RHBDD1: variants seen among roughly 807,000 people sequenced by gnomAD.
RHBDD1 encodes the protein rhomboid domain containing 1, also known as rhomboid-related protein 4.
In RHBDD1, 38 loss-of-function variants were observed where a neutral mutation model predicts 36.3. That is an observed-to-expected ratio of 1.05 (90% CI 0.81 to 1.37). The LOEUF (loss-of-function observed/expected upper bound fraction) is 1.37, where lower values mean the gene tolerates loss of function less well. Ranked by LOEUF, RHBDD1 falls within the 40% of genes most tolerant of loss-of-function variation. RHBDD1 has a pLI of 0.00. For synonymous variants in RHBDD1, 151 were observed against 136.5 expected (o/e 1.11, Z -0.74); for missense variants, 393 against 377.6 (o/e 1.04, Z -0.34).
chr2:226,907,179 G>A (rs1176548197), intron 6 of RHBDD1, among the ~76,000 whole-genome samples: 2 of 152,172 alleles, frequency 1.3e-5, no homozygotes, highest in Admixed American at 1.3e-4. Flanking sequence ...AAAGAATGCA[G>A]AGAACTAAAG....
At chr2:226,987,348 A>C (rs1167559171) in intron 8 of RHBDD1, among the ~76,000 whole-genome samples, 1 of 152,212 alleles carries the variant, frequency 6.6e-6, no homozygotes. Flanking sequence ...ATAAAAAAAA[A>C]AAATTGGGAT....
At chr2:226,880,067 G>T (rs922819851) in intron 5 of RHBDD1, among the ~76,000 whole-genome samples, 13 of 152,152 alleles carry the variant, frequency 8.5e-5, no homozygotes, top group Admixed American at 6.5e-4. Flanking sequence ...TATTGTCAAG[G>T]ATGAGCATTT....
At chr2:226,940,145 C>A (rs1305700665) in intron 8 of RHBDD1, among the ~76,000 whole-genome samples, 1 of 152,044 alleles carries the variant, frequency 6.6e-6, no homozygotes, top group African/African-American at 2.4e-5. Context: ...AATGTAAAAC[C>A]AAAAACTGTA....
At chr2:226,875,029 G>A (rs1401533897) in intron 5 of RHBDD1, among the ~76,000 whole-genome samples, 7 of 152,126 alleles carry the variant, frequency 4.6e-5, no homozygotes, top group Non-Finnish European at 7.3e-5. Context: ...CTTTGCTTCT[G>A]TAGTGTTTGT....
At chr2:226,809,263 A>G in the RHBDD1 span, among the ~76,000 whole-genome samples, 1 of 152,242 alleles carries the variant, frequency 6.6e-6, no homozygotes, top group Non-Finnish European at 1.5e-5. Flanking sequence ...AGAGTGAACA[A>G]CTGAGTCAAT....
chr2:226,837,235 G>A (rs1481505595), intron 1 of RHBDD1, among the ~76,000 whole-genome samples: 1 of 152,172 alleles, frequency 6.6e-6, no homozygotes, highest in African/African-American at 2.4e-5. Flanking sequence ...AAAACACATA[G>A]AAAACCCTCA....
At chr2:226,988,795 G>A in intron 8 of RHBDD1, 1 of 772,530 alleles carries the variant, frequency 1.3e-6, no homozygotes, top group Non-Finnish European at 1.6e-6. Context: ...CTCTATTTTA[G>A]AAAATACTTG....
chr2:226,920,082 T>C (rs1426723937), intron 8 of RHBDD1, among the ~76,000 whole-genome samples: 1 of 151,872 alleles, frequency 6.6e-6, no homozygotes, highest in Non-Finnish European at 1.5e-5. Context: ...TACTTGTAGC[T>C]ATTTTAAATA....
the RHBDD1 span, among the ~76,000 whole-genome samples, chr2:226,809,894 A>C: frequency 6.6e-6 from 1 of 152,222 alleles, no homozygotes; most frequent in African/African-American, 2.4e-5. Context: ...TAAGTTGGAA[A>C]ATGTGAAATA....
At chr2:226,957,603 G>GA (rs1268740476) in intron 8 of RHBDD1, among the ~76,000 whole-genome samples, 4 of 151,836 alleles carry the variant, frequency 2.6e-5, no homozygotes, top group African/African-American at 7.3e-5. Flanking sequence ...AAAAAGTAGT[G>GA]AAAAGATCAT....
At chr2:226,942,625 G>T (rs981949435) in intron 8 of RHBDD1, 19 of 231,176 alleles carry the variant, frequency 8.2e-5, no homozygotes, top group African/African-American at 2.4e-5. Flanking sequence ...TAAAAAGACT[G>T]CATTATTTAC....
chr2:226,881,747 CTA>C (rs1945757300), intron 5 of RHBDD1, among the ~76,000 whole-genome samples: 1 of 152,190 alleles, frequency 6.6e-6, no homozygotes, highest in Admixed American at 6.5e-5. Context: ...TGAATATTTT[CTA>C]TAAGTTTTTT....
the RHBDD1 span, among the ~76,000 whole-genome samples, chr2:226,803,487 GT>G: frequency 2.0e-4 from 30 of 152,276 alleles, no homozygotes; most frequent in Admixed American, 1.6e-3. Flanking sequence ...TCCCACTCAA[GT>G]TTTTTGGAAC....
chr2:226,986,641 A>T (rs1022727084), intron 8 of RHBDD1, among the ~76,000 whole-genome samples: 17 of 152,248 alleles, frequency 1.1e-4, no homozygotes, highest in African/African-American at 4.1e-4. Context: ...ATACCATCTC[A>T]TGCCAGTTAG....
chr2:226,991,757 A>G (rs563829186), intron 8 of RHBDD1, among the ~76,000 whole-genome samples: 1 of 152,332 alleles, frequency 6.6e-6, no homozygotes, highest in East Asian at 1.9e-4. Context: ...TGTGTAGCTA[A>G]AAAGTGGAGG....
intron 8 of RHBDD1, among the ~76,000 whole-genome samples, chr2:226,955,088 C>A (rs763828642): frequency 6.6e-6 from 1 of 151,986 alleles, no homozygotes; most frequent in African/African-American, 2.4e-5. Flanking sequence ...CTCACAGGAC[C>A]TTGAGGGCTC....
At chr2:226,837,127 A>G (rs1028047464) in intron 1 of RHBDD1, among the ~76,000 whole-genome samples, 24 of 152,244 alleles carry the variant, frequency 1.6e-4, no homozygotes, top group African/African-American at 5.3e-4. Flanking sequence ...GGAATCACAT[A>G]TAATGGAATT....
upstream of RHBDD1, among the ~76,000 whole-genome samples, chr2:226,831,513 T>C (rs1940740673): frequency 6.6e-6 from 1 of 152,138 alleles, no homozygotes; most frequent in Non-Finnish European, 1.5e-5. Flanking sequence ...ACTGAAGTGC[T>C]GCAGTTGTAA....
At chr2:226,828,466 G>GT in the RHBDD1 span, among the ~76,000 whole-genome samples, 4 of 152,164 alleles carry the variant, frequency 2.6e-5, no homozygotes, top group Admixed American at 1.3e-4. Flanking sequence ...TATAGTAAGT[G>GT]TATGTTTAAC....
Sources: gnomAD v4.1 joint callset for allele counts (sites outside exome capture counted in the v4.1 genomes callset) on GRCh38, gnomAD v4.1.1 for gene constraint, MANE v1.5 for transcripts, NCBI Gene and HGNC (gene_info 2026-07-23, HGNC 2026-07-21) for gene names.